The following SLC66A3 variants were observed in gnomAD, a reference collection of about 807,000 sequenced individuals.
SLC66A3 encodes PQ loop repeat containing 3.
In SLC66A3, 23 loss-of-function variants were observed where a neutral mutation model predicts 25.5. The ratio of observed to expected loss-of-function variants is 0.90; its 90% CI spans 0.65 to 1.28. The LOEUF is 1.28. Among genes scored for constraint, SLC66A3 ranks in the 50% most tolerant of loss-of-function variants. The pLI, the probability that SLC66A3 is intolerant of heterozygous loss-of-function variation, is 0.00. For synonymous variants in SLC66A3, 108 were observed against 112.6 expected (o/e 0.96, Z 0.26); for missense variants, 246 against 262.1 (o/e 0.94, Z 0.42).
chr2:11,166,158 G>A (rs1312391299), intron 4 of SLC66A3, among the ~76,000 whole-genome samples: 1 of 152,228 alleles, frequency 6.6e-6, no homozygotes, highest in Non-Finnish European at 1.5e-5. Flanking sequence ...ACAGGTGTGA[G>A]CCACGGCAGC....
intron 4 of SLC66A3, among the ~76,000 whole-genome samples, chr2:11,167,755 G>A (rs370981715): frequency 2.0e-5 from 3 of 152,036 alleles, no homozygotes; most frequent in South Asian, 4.1e-4. Flanking sequence ...GCAGGAGAAC[G>A]AGCAGGGCCT....
chr2:11,157,261 G>A (rs1661940262), intron 1 of SLC66A3, among the ~76,000 whole-genome samples: 1 of 152,244 alleles, frequency 6.6e-6, no homozygotes, highest in South Asian at 2.1e-4. Context: ...GGGCATGGGA[G>A]CTCAAGGGTT....
At chr2:11,159,083 G>A (rs549519224) in intron 1 of SLC66A3, among the ~76,000 whole-genome samples, 103 of 152,352 alleles carry the variant, frequency 6.8e-4, no homozygotes, top group Admixed American at 2.0e-3. Context: ...AGGTGAGAAC[G>A]GGCTCTGACA....
At chr2:11,176,618 T>TC (rs1417120008) in intron 6 of SLC66A3, among the ~76,000 whole-genome samples, 1 of 125,910 alleles carries the variant, frequency 7.9e-6, no homozygotes, top group African/African-American at 2.9e-5. Context: ...AAGCTCCGCC[T>TC]CCCGGGTTCA....
At chr2:11,160,817 A>G in intron 3 of SLC66A3, 123 bp downstream of exon 3, 11 of 1,368,786 alleles carry the variant, frequency 8.0e-6, no homozygotes, top group East Asian at 2.6e-5. Context: ...AAAAAAAAAA[A>G]AAAATCCCAA....
intron 1 of SLC66A3, among the ~76,000 whole-genome samples, chr2:11,157,144 A>G (rs1469330420): frequency 6.6e-6 from 1 of 152,166 alleles, no homozygotes; most frequent in East Asian, 1.9e-4. Context: ...GAAAAATGCA[A>G]ACCCTCAGAG....
At position 11,172,082 on chromosome 2, in the gene SLC66A3, T is replaced by A. The variant is rs374147988; in HGVS notation, c.475+37T>A. On this transcript the variant is annotated intron_variant, in intron 5 of 6. Coordinates refer to ENST00000295083, the MANE Select transcript of SLC66A3 (RefSeq NM_152391.5). ...ACTCACATGGTGGGGAGGCCTTTGG[T>A]AGCACCAAGTGTCTACGTAGTAGGG... 7 of 1,608,990 alleles carry A rather than the reference T, an allele frequency of 4.4e-6. No homozygotes were observed. The African/African-American group carries it at 9.3e-5, about 21-fold the overall frequency.
intron 1 of SLC66A3, among the ~76,000 whole-genome samples, chr2:11,156,735 T>C (rs145310574): frequency 6.6e-6 from 1 of 150,562 alleles, no homozygotes; most frequent in Non-Finnish European, 1.5e-5. Flanking sequence ...TGGGAGGGAC[T>C]GTGACCTCTT....
chr2:11,164,969 C>G (rs548667375), intron 4 of SLC66A3, among the ~76,000 whole-genome samples: 1 of 152,328 alleles, frequency 6.6e-6, no homozygotes, highest in East Asian at 1.9e-4. Flanking sequence ...TCTGATTTCT[C>G]TATCTTTTCC....
intron 1 of SLC66A3, among the ~76,000 whole-genome samples, chr2:11,156,544 G>A (rs1018379350): frequency 1.3e-5 from 2 of 152,112 alleles, no homozygotes; most frequent in Admixed American, 1.3e-4. Context: ...GGGGTGGGGG[G>A]TGCGGCATAC....
chr2:11,173,808 C>T (rs941541682), intron 5 of SLC66A3, among the ~76,000 whole-genome samples: 3 of 152,142 alleles, frequency 2.0e-5, no homozygotes, highest in African/African-American at 7.2e-5. Flanking sequence ...CTCCAATTTC[C>T]TAAATGTTTA....
At chr2:11,160,882 C>T in intron 3 of SLC66A3, 188 bp downstream of exon 3, 2 of 945,882 alleles carry the variant, frequency 2.1e-6, no homozygotes, top group Non-Finnish European at 3.1e-6. Flanking sequence ...CCTGCTGCTC[C>T]TCCGAGACCA....
intron 3 of SLC66A3, among the ~76,000 whole-genome samples, chr2:11,163,691 G>T (rs112040535): frequency 6.6e-6 from 1 of 152,084 alleles, no homozygotes; most frequent in Non-Finnish European, 1.5e-5. Flanking sequence ...CTCTATTCCC[G>T]TGGCGTCACC....
At chr2:11,172,304 T>C (rs901319192) in intron 5 of SLC66A3, among the ~76,000 whole-genome samples, 1 of 152,188 alleles carries the variant, frequency 6.6e-6, no homozygotes, top group African/African-American at 2.4e-5. Context: ...TGGCCTGATA[T>C]TAATTAGCTC....
chr2:11,166,343 G>C (rs1662341790), intron 4 of SLC66A3, among the ~76,000 whole-genome samples: 1 of 152,166 alleles, frequency 6.6e-6, no homozygotes, highest in East Asian at 1.9e-4. Flanking sequence ...TTTGACCACA[G>C]ACCTCTCCAA....
intron 4 of SLC66A3, among the ~76,000 whole-genome samples, chr2:11,169,543 A>G (rs1024074450): frequency 6.6e-6 from 1 of 152,084 alleles, no homozygotes; most frequent in Non-Finnish European, 1.5e-5. Context: ...GCTTCCAGGA[A>G]GCCGTGCTCC....
At chr2:11,164,341 A>T (rs1265964287) in intron 4 of SLC66A3, 80 bp downstream of exon 4, 6 of 121,090 alleles carry the variant, frequency 5.0e-5, no homozygotes, top group East Asian at 4.1e-4. Flanking sequence ...ATATATATAT[A>T]TATATTTTTT....
intron 4 of SLC66A3, among the ~76,000 whole-genome samples, chr2:11,168,158 A>AAATG (rs1558255968): frequency 1.3e-5 from 2 of 151,686 alleles, no homozygotes; most frequent in African/African-American, 4.8e-5. Flanking sequence ...GGTGGCGGGC[A>AAATG]CCTGTAGTCC....
intron 5 of SLC66A3, among the ~76,000 whole-genome samples, chr2:11,172,256 G>A (rs1444391458): frequency 4.0e-5 from 6 of 149,392 alleles, no homozygotes; most frequent in Non-Finnish European, 3.0e-5. Context: ...AAGTTGCCAA[G>A]AAAAAAAAAA....
Sources: gnomAD v4.1 joint callset for allele counts (sites outside exome capture counted in the v4.1 genomes callset) on GRCh38, gnomAD v4.1.1 for gene constraint, MANE v1.5 for transcripts, NCBI Gene and HGNC (gene_info 2026-07-23, HGNC 2026-07-21) for gene names.